The following RARB variants were observed in gnomAD, a reference collection of about 807,000 sequenced individuals.
The protein encoded by RARB is retinoic acid receptor beta.
A neutral mutation model predicts 51.9 loss-of-function variants in RARB; 17 were observed. The ratio of observed to expected loss-of-function variants is 0.33; its 90% CI spans 0.22 to 0.49. The LOEUF is 0.49. Ranked by LOEUF, RARB falls within the 20% of genes least tolerant of loss-of-function variation. The probability of loss-of-function intolerance (pLI) is 0.99; values close to 1 mark genes in which losing one functional copy is unlikely to be tolerated. For missense variants in RARB, 369 were observed against 550.8 expected, an observed-to-expected ratio of 0.67 and a Z score of 3.30; for synonymous variants, 215 against 195.4, an observed-to-expected ratio of 1.10 and a Z score of -0.84.
intron 5 of RARB, among the ~76,000 whole-genome samples, chr3:25,355,841 C>T (rs992355471): frequency 7.9e-5 from 12 of 151,956 alleles, no homozygotes; most frequent in Admixed American, 2.6e-4. Flanking sequence ...TGGGCCAGAA[C>T]ATAGAAAATA....
At chr3:25,076,143 T>C (rs905449978) in intron 3 of RARB, among the ~76,000 whole-genome samples, 1 of 73,842 alleles carries the variant, frequency 1.4e-5, no homozygotes, top group African/African-American at 3.8e-5. Flanking sequence ...GAAGCAGTTA[T>C]TTATTTTTTT....
At chr3:25,203,306 A>G (rs1311255220) in intron 5 of RARB, among the ~76,000 whole-genome samples, 3 of 151,842 alleles carry the variant, frequency 2.0e-5, no homozygotes, top group African/African-American at 7.3e-5. Context: ...CCATCCCTTA[A>G]TTTTGAGGCT....
At chr3:25,514,356 A>G (rs559189037) in intron 3 of RARB, among the ~76,000 whole-genome samples, 1 of 152,272 alleles carries the variant, frequency 6.6e-6, no homozygotes, top group East Asian at 1.9e-4. Context: ...CAATTATCTG[A>G]TGAATTAGAT....
At chr3:25,382,883 A>C (rs766088611) in intron 5 of RARB, among the ~76,000 whole-genome samples, 23 of 152,168 alleles carry the variant, frequency 1.5e-4, no homozygotes, top group Admixed American at 3.3e-4. Flanking sequence ...AAAAAGTATC[A>C]GGATAACACA....
At chr3:24,893,184 G>A (rs1032225610) in intron 2 of RARB, among the ~76,000 whole-genome samples, 1 of 152,182 alleles carries the variant, frequency 6.6e-6, no homozygotes, top group Admixed American at 6.5e-5. Flanking sequence ...GAATTAATTT[G>A]CACCTAAACC....
At chr3:25,196,237 C>T (rs939716843) in intron 5 of RARB, among the ~76,000 whole-genome samples, 26 of 151,694 alleles carry the variant, frequency 1.7e-4, no homozygotes, top group Non-Finnish European at 2.4e-4. Context: ...CACCCCACAA[C>T]AGGCCCCAGT....
intron 4 of RARB, among the ~76,000 whole-genome samples, chr3:25,163,662 A>G (rs1042435746): frequency 1.1e-4 from 17 of 151,960 alleles, no homozygotes; most frequent in African/African-American, 3.9e-4. Context: ...GGTGGTCAAT[A>G]AAGAGTCTGC....
In RARB at chr3:25,536,548, G is replaced by A. The variant is rs145744095; in HGVS notation, c.449-33210G>A. On this transcript the variant is annotated intron_variant, in intron 3 of 7. Coordinates refer to ENST00000330688, the MANE Select transcript of RARB (RefSeq NM_000965.5). ...TAAAATGTTTTAAATCAAACCATTC[G>A]TTAGAAAGTAGAGTACAAACCTAGA... is the stretch of plus-strand genomic sequence containing the variant. Among the ~76,000 whole-genome samples, 472 of 152,276 alleles carry A rather than the reference G, an allele frequency of 3.1e-3. 1 individual carries two copies. Among genetic ancestry groups the A allele is most frequent in the Non-Finnish European group, 5.4e-3 (365 of 68,012 alleles).
chr3:24,895,817 C>CA (rs1347033469), intron 2 of RARB, among the ~76,000 whole-genome samples: 2 of 152,024 alleles, frequency 1.3e-5, no homozygotes, highest in Admixed American at 1.3e-4. Flanking sequence ...GGCAGTTCAT[C>CA]AAAAAATGAA....
intron 2 of RARB, among the ~76,000 whole-genome samples, chr3:25,482,322 T>C (rs1056054721): frequency 6.6e-6 from 1 of 152,172 alleles, no homozygotes; most frequent in Non-Finnish European, 1.5e-5. Context: ...ATGACACTCA[T>C]GTAGGATTTA....
intron 1 of RARB, among the ~76,000 whole-genome samples, chr3:24,835,918 T>C (rs1302213909): frequency 1.3e-5 from 2 of 152,180 alleles, no homozygotes; most frequent in African/African-American, 4.8e-5. Flanking sequence ...TAGAGGCAAT[T>C]CACCACAGAC....
chr3:25,480,908 C>T (rs1031326987), intron 2 of RARB, among the ~76,000 whole-genome samples: 3 of 152,066 alleles, frequency 2.0e-5, no homozygotes, highest in Non-Finnish European at 2.9e-5. Flanking sequence ...GTCAAAGGAT[C>T]GATTAATTGA....
intron 5 of RARB, among the ~76,000 whole-genome samples, chr3:25,416,377 A>G (rs1313149317): frequency 6.6e-6 from 1 of 152,220 alleles, no homozygotes; most frequent in African/African-American, 2.4e-5. Flanking sequence ...TAACAAAGTG[A>G]GACTTTGTCT....
At chr3:25,412,739 G>A (rs988984548) in intron 5 of RARB, among the ~76,000 whole-genome samples, 2 of 152,192 alleles carry the variant, frequency 1.3e-5, no homozygotes, top group African/African-American at 4.8e-5. Flanking sequence ...ATGACCATGG[G>A]CCGGGGGCAG....
At chr3:25,515,331 T>G (rs1575478403) in intron 3 of RARB, among the ~76,000 whole-genome samples, 1 of 152,184 alleles carries the variant, frequency 6.6e-6, no homozygotes, top group South Asian at 2.1e-4. Context: ...CTTGTGGAAG[T>G]ATAAATCAAG....
intron 5 of RARB, among the ~76,000 whole-genome samples, chr3:25,286,376 CTG>C (rs1703658096): frequency 6.6e-6 from 1 of 152,300 alleles, no homozygotes; most frequent in African/African-American, 2.4e-5. Context: ...GCGTGAGACA[CTG>C]TGCCCAGCCC....
intron 2 of RARB, among the ~76,000 whole-genome samples, chr3:24,879,019 G>A (rs2125355095): frequency 6.6e-6 from 1 of 152,068 alleles, no homozygotes; most frequent in South Asian, 2.1e-4. Flanking sequence ...TTGCCAGTCT[G>A]ATATATTAAC....
At chr3:25,072,489 G>A (rs1411852754) in intron 3 of RARB, among the ~76,000 whole-genome samples, 1 of 152,086 alleles carries the variant, frequency 6.6e-6, no homozygotes, top group African/African-American at 2.4e-5. Context: ...TCCATTTTTG[G>A]GGGAGCACAA....
intron 2 of RARB, among the ~76,000 whole-genome samples, chr3:25,023,221 C>CAT (rs1228248015): frequency 1.3e-5 from 2 of 152,102 alleles, no homozygotes; most frequent in African/African-American, 4.8e-5. Flanking sequence ...CCTTTTGTGA[C>CAT]ATGCAACCCT....
Sources: allele counts gnomAD v4.1 joint callset (sites outside exome capture counted in the v4.1 genomes callset), GRCh38; gene constraint gnomAD v4.1.1; transcripts MANE v1.5; gene names NCBI Gene and HGNC (gene_info 2026-07-23, HGNC 2026-07-21).